Variants in PLOD3 observed in about 807,000 individuals in gnomAD.
PLOD3 encodes the protein multifunctional procollagen lysine hydroxylase and glycosyltransferase LH3.
Under a neutral mutation model 96.9 loss-of-function variants are expected in PLOD3, and 73 were observed. The ratio of observed to expected loss-of-function variants is 0.75; its 90% confidence interval spans 0.62 to 0.92. The LOEUF is 0.92. Among genes scored for constraint, PLOD3 ranks in the 40% least tolerant of loss-of-function variants. The pLI is 0.00. For missense variants in PLOD3, 1,004 were observed against 1,004.3 expected (o/e 1.00, Z 0.00); for synonymous variants, 454 against 413.7 (o/e 1.10, Z -1.18).
At chr7:101,214,836 C>CA (rs958389125) in intron 6 of PLOD3, among the ~76,000 whole-genome samples, 49 of 149,014 alleles carry the variant, frequency 3.3e-4, no homozygotes, top group South Asian at 1.5e-3. Context: ...AACTCTGTCT[C>CA]AAAAAAAAAA....
chr7:101,210,496 G>C, intron 13 of PLOD3, 36 bp downstream of exon 13: 1 of 1,614,046 alleles, frequency 6.2e-7, no homozygotes, highest in South Asian at 1.1e-5. Flanking sequence ...GAGTCTGGGG[G>C]ACTGCCCCCA....
chr7:101,211,861 A>T lies in PLOD3; in HGVS notation c.1217T>A (p.Leu406His), dbSNP rs1258391591. 5 of 1,611,842 alleles carry T rather than the reference A, an allele frequency of 3.1e-6. No individual in the cohort carries two copies. The highest frequency in any genetic ancestry group is 1.7e-5 in the Admixed American group (1 of 59,794). The change falls in exon 11 of 19, where the codon CTC becomes CAC. Residue 406 changes from leucine to histidine, a missense_variant. By Grantham distance (99) the Leu-to-His change is moderately conservative. Coordinates refer to ENST00000223127, the MANE Select transcript of PLOD3 (RefSeq NM_001084.5). ...VLTNLQTLRILIEENRKVIAP... is the reference protein window; with the variant it reads ...VLTNLQTLRIHIEENRKVIAP... ...GGTAAGCCACCTGTTCTCCTCAATGAGGATACGCAGGGTCTGCAGGTTGGT... is the reference window on the plus strand; with the variant it reads ...GGTAAGCCACCTGTTCTCCTCAATGTGGATACGCAGGGTCTGCAGGTTGGT...
rs786205872 is a variant in PLOD3 at position 101,206,426 on chromosome 7, CA to C, written c.2071del (p.Cys691AlafsTer9). On this transcript the variant is annotated frameshift_variant, in exon 19 of 19. Coordinates refer to ENST00000223127, the MANE Select transcript of PLOD3 (RefSeq NM_001084.5). LOFTEE classifies it low-confidence loss of function (END_TRUNC). The stretch of plus-strand genomic sequence containing the variant: ...CACACAGTCGTAGCGCAGGAAGCGG[CA>C]GCCACCTCCCTGGAAAGAGAAGGGA... ...HKGLDYEGGG[C>X]RFLRYDCVIS... 6.2e-7 allele frequency: 1 copy of C among 1,606,006 alleles called. No homozygotes were observed. Among genetic ancestry groups the C allele is most frequent in the Non-Finnish European group, 8.5e-7 (1 of 1,176,572 alleles).
At chr7:101,207,783 G>A (rs909115066) in intron 16 of PLOD3, 59 bp from the exon 17 acceptor site, 3 of 1,598,000 alleles carry the variant, frequency 1.9e-6, no homozygotes, top group East Asian at 2.2e-5. Flanking sequence ...CCCACCCCAG[G>A]GCAGTCCAGC....
In PLOD3 at chr7:101,217,307, C is replaced by G. The variant is rs1459080469; in HGVS notation, c.-33G>C. ...AGCGGGCCCAGACAGCACCCAGGAT[C>G]CTGGGATCTCCGCTACGCGCCTGGA... On this transcript the variant is annotated 5_prime_UTR_variant, in exon 1 of 19. Coordinates refer to ENST00000223127, the MANE Select transcript of PLOD3 (RefSeq NM_001084.5). The G allele has an allele frequency of 7.2e-7, 1 of 1,389,212 alleles. No homozygotes were observed. Among genetic ancestry groups the G allele is most frequent in the Non-Finnish European group, 9.3e-7 (1 of 1,069,638 alleles). 86.1% of individuals were successfully genotyped at this position (1,389,212 alleles called of 1,614,324 possible).
At chr7:101,211,742 G>T in intron 11 of PLOD3, 26 bp from the exon 12 acceptor site, 1 of 1,597,920 alleles carries the variant, frequency 6.3e-7, no homozygotes. Context: ...GGTGAGGGCT[G>T]GGCAGACGGG....
chr7:101,208,105 C>A (rs543136782), intron 16 of PLOD3, among the ~76,000 whole-genome samples: 9 of 152,282 alleles, frequency 5.9e-5, no homozygotes, highest in African/African-American at 2.2e-4. Flanking sequence ...ATTTCCTTTT[C>A]TCTTTTTTTA....
At position 101,216,709 on chromosome 7, in the gene PLOD3, TGAA is replaced by T. The variant is rs1016144404; in HGVS notation, c.184_186del (p.Phe62del). 2 of 1,613,628 alleles carry T rather than the reference TGAA, an allele frequency of 1.2e-6. No individual in the cohort carries two copies. Among genetic ancestry groups the T allele is most frequent in the African/African-American group, 2.7e-5 (2 of 74,872 alleles). ...CCTCTCCTCACCCGCACAGTGTAGT[TGAA>T]GAACTCCGCAGAGCGCAGGAAACGC... On this transcript the variant is annotated inframe_deletion, in exon 2 of 19. Transcript: ENST00000223127.
In PLOD3 at chr7:101,210,447, G is replaced by A. The variant is rs1291453198; in HGVS notation, c.1501-3C>T. On this transcript the variant is annotated splice_polypyrimidine_tract_variant and splice_region_variant and intron_variant, in intron 13 of 18. Transcript: ENST00000223127. ...TTGCTCAGATGGAGGAAGATGCCCT[G>A]TAGTGGGGTGGGGGTGTCCGTGATG... 3.7e-6 allele frequency: 6 copies of A among 1,614,006 alleles called. No homozygotes were observed. Among genetic ancestry groups the A allele is most frequent in the South Asian group, 3.3e-5 (3 of 91,070 alleles).
Position 101,206,770 on chromosome 7 carries a change from G to T in PLOD3, c.2061+9C>A. 1.3e-6 allele frequency: 2 copies of T among 1,580,592 alleles called. No individual in the cohort carries two copies. Among genetic ancestry groups the T allele is most frequent in the East Asian group, 2.3e-5 (1 of 43,118 alleles). On this transcript the variant is annotated intron_variant, in intron 18 of 18. Coordinates refer to ENST00000223127, the MANE Select transcript of PLOD3 (RefSeq NM_001084.5). ...TGAAGCGTGGGTGGGTAGTGTGACT[G>T]GGGCGCACCTCATAGTCCAGGCCCT...
rs761178372 is a variant in PLOD3, at chr7:101,211,896, G to A, written c.1182C>T (p.Asp394=). Residue 394 remains aspartate (D), a synonymous_variant, in exon 11 of 19, where the codon GAC becomes GAT. Coordinates refer to ENST00000223127, the MANE Select transcript of PLOD3 (RefSeq NM_001084.5). ...ECEFYFSLDA[D]AVLTNLQTLR... Reference sequence around the variant, plus strand: ...GGGTCTGCAGGTTGGTGAGGACAGCGTCGGCGTCCAGGCTGAAGTAGAACT... The same window carrying A: ...GGGTCTGCAGGTTGGTGAGGACAGCATCGGCGTCCAGGCTGAAGTAGAACT... The A allele has an allele frequency of 8.1e-6, 13 of 1,612,456 alleles. No individual in the cohort carries two copies. The highest frequency in any genetic ancestry group is 2.2e-5 in the South Asian group (2 of 90,744).
At position 101,206,186 on chromosome 7, in the gene PLOD3, G is replaced by GGAGACA; in HGVS notation, c.*89_*94dup. 3.3e-6 allele frequency: 4 copies of GGAGACA among 1,223,594 alleles called. 1 individual carries two copies. The South Asian group carries it at 4.8e-5, about 15-fold the overall frequency. 75.8% of individuals were successfully genotyped at this position (1,223,594 alleles called of 1,614,324 possible). On this transcript the variant is annotated 3_prime_UTR_variant, in exon 19 of 19. Transcript: ENST00000223127. ...CGCGGAACATGAACTCAGGAAGTGGGGAGACAGAGAGACCCATCCCCCAAC... is the reference window on the plus strand; with the variant it reads ...CGCGGAACATGAACTCAGGAAGTGGGGAGACAGAGACAGAGAGACCCATCCCCCAAC...
In PLOD3 at chr7:101,211,835, G is replaced by A; in HGVS notation, c.1232+11C>T. ...GGTGCCCTCCGGCTGCGGGGAGAGG[G>A]GGTAAGCCACCTGTTCTCCTCAATG... On this transcript the variant is annotated intron_variant, in intron 11 of 18. Coordinates refer to ENST00000223127, the MANE Select transcript of PLOD3 (RefSeq NM_001084.5). 6.2e-7 allele frequency: 1 copy of A among 1,606,366 alleles called. No homozygotes were observed.
In PLOD3 at chr7:101,216,222, C is replaced by A. The variant is rs753715522; in HGVS notation, c.443G>T (p.Trp148Leu). Residue 148 changes from tryptophan to leucine, a missense_variant, in exon 4 of 19, where the codon TGG becomes TTG. This residue lies in a region of PLOD3 where 690 missense variants were observed against 650.2 expected (regional missense o/e 1.06). Coordinates refer to ENST00000223127, the MANE Select transcript of PLOD3 (RefSeq NM_001084.5). ...CTCAGGGTACTGCTCCGCCAGCCCC[C>A]ACTCGGGCCAGCAGAAGCTCTCTGC... ...FSAESFCWPEWGLAEQYPEVG... is the reference protein window; with the variant it reads ...FSAESFCWPELGLAEQYPEVG... 6 of 1,613,848 alleles carry A rather than the reference C, an allele frequency of 3.7e-6. No individual in the cohort carries two copies. The highest frequency in any genetic ancestry group is 4.2e-6 in the Non-Finnish European group (5 of 1,180,042).
intron 6 of PLOD3, 60 bp downstream of exon 6, chr7:101,215,029 C>A: frequency 1.5e-6 from 2 of 1,299,500 alleles, no homozygotes; most frequent in Non-Finnish European, 2.2e-6. Flanking sequence ...CCTCTCCCAG[C>A]TCAAGACCCC....
intron 9 of PLOD3, 43 bp from the exon 10 acceptor site, chr7:101,212,417 A>C (rs1190814381): frequency 6.9e-6 from 11 of 1,592,710 alleles, no homozygotes; most frequent in Non-Finnish European, 9.4e-6. Context: ...GAGGGCAGGG[A>C]GGCGGCACCT....
rs78167786 is a variant in PLOD3 at position 101,207,497 on chromosome 7, C to T, written c.1935+81G>A. 8.7e-3 allele frequency: 12,670 copies of T among 1,456,048 alleles called. 218 individuals carry two copies. Among genetic ancestry groups the T allele is most frequent in the East Asian group, 0.079 (3,475 of 43,770 alleles). The allele number at this position is 1,456,048 out of a possible 1,614,324, so 90.2% of individuals were successfully genotyped here. A position where few individuals can be genotyped will look rare whatever the true frequency, so the allele number is the denominator to read the frequency against. ...CATGGAGCCCAAATGCTGCCGGGGC[C>T]GAAAGGGGTCTGCGTGGAGACTTCC... is the stretch of plus-strand genomic sequence containing the variant. On this transcript the variant is annotated intron_variant, in intron 17 of 18. Transcript: ENST00000223127.
chr7:101,210,473 C>T (rs1183813840), intron 13 of PLOD3, 29 bp from the exon 14 acceptor site: 5 of 1,613,670 alleles, frequency 3.1e-6, no homozygotes, highest in African/African-American at 1.3e-5. Flanking sequence ...GTCCGTGATG[C>T]AGGCGATGCC....
chr7:101,217,031 C>T, intron 1 of PLOD3, 135 bp downstream of exon 1: 1 of 1,026,284 alleles, frequency 9.7e-7, no homozygotes, highest in Non-Finnish European at 1.4e-6. Context: ...GGGCTTGGCG[C>T]GACTCAGCCT....
Sources: gnomAD v4.1 joint callset for allele counts (sites outside exome capture counted in the v4.1 genomes callset) on GRCh38, gnomAD v4.1.1 for gene constraint, gnomAD v4.1.1 regional missense constraint, MANE v1.5 for transcripts, NCBI Gene and HGNC (gene_info 2026-07-23, HGNC 2026-07-21) for gene names.